Variants in CDH13 observed in about 807,000 individuals in gnomAD.
CDH13 encodes cadherin 13.
In CDH13, 24 loss-of-function variants were observed where a neutral mutation model predicts 63.8. The ratio of observed to expected loss-of-function variants is 0.38; its 90% CI spans 0.27 to 0.53. The LOEUF (loss-of-function observed/expected upper bound fraction) is 0.53. Among genes scored for constraint, CDH13 ranks in the 20% least tolerant of loss-of-function variants. The pLI is 0.85. For synonymous variants in CDH13, 503 were observed against 355.3 expected, an observed-to-expected ratio of 1.42 and a Z score of -4.67; for missense variants, 1,049 against 903.1, an observed-to-expected ratio of 1.16 and a Z score of -2.07.
intron 6 of CDH13, among the ~76,000 whole-genome samples, chr16:83,404,455 G>A (rs141127083): frequency 2.8e-4 from 43 of 152,272 alleles, no homozygotes; most frequent in African/African-American, 8.9e-4. Context: ...AAGCAGCTTC[G>A]CAGAATTTTA....
In CDH13 at chr16:83,512,047, C is replaced by T. The variant is rs144730925; in HGVS notation, c.960+25392C>T. Among the ~76,000 whole-genome samples, 694 of 152,164 alleles carry T rather than the reference C, an allele frequency of 4.6e-3. 5 individuals carry two copies. The highest frequency in any genetic ancestry group is 0.015 in the African/African-American group (636 of 41,506). ...TTAAAAAATAAAGGAAGGGGCCAGG[C>T]GCGGTGGCTCACGCCTGTAATTCCA... On this transcript the variant is annotated intron_variant, in intron 7 of 13. Coordinates refer to ENST00000567109, the MANE Select transcript of CDH13 (RefSeq NM_001257.5).
chr16:82,795,757 A>T (rs1234538042), intron 1 of CDH13, among the ~76,000 whole-genome samples: 2 of 152,030 alleles, frequency 1.3e-5, no homozygotes, highest in Non-Finnish European at 2.9e-5. Flanking sequence ...CCAGGAAGAA[A>T]ACAATGGCTG....
intron 2 of CDH13, among the ~76,000 whole-genome samples, chr16:83,007,814 A>G (rs1913696209): frequency 6.7e-6 from 1 of 149,584 alleles, no homozygotes; most frequent in Non-Finnish European, 1.5e-5. Context: ...ACAGAGCAAG[A>G]CGACTCTGTC....
intron 2 of CDH13, among the ~76,000 whole-genome samples, chr16:83,016,880 C>A (rs1031128005): frequency 6.6e-6 from 1 of 152,094 alleles, no homozygotes. Flanking sequence ...TTATGAAAAC[C>A]AAAATTGACA....
intron 4 of CDH13, among the ~76,000 whole-genome samples, chr16:83,212,511 A>C (rs1488087760): frequency 1.3e-5 from 2 of 152,208 alleles, no homozygotes; most frequent in African/African-American, 4.8e-5. Context: ...AGTGACTTTA[A>C]GAAAAACCAA....
At position 83,375,610 on chromosome 16, in the gene CDH13, G is replaced by A. The variant is rs1002105124; in HGVS notation, c.781+30604G>A. Reference sequence around the variant, plus strand: ...TAGCAAACTGTGTTAAGTCCTAGAAGAGAGATGGGTAAATATCCCAGGAAA... The same window carrying A: ...TAGCAAACTGTGTTAAGTCCTAGAAAAGAGATGGGTAAATATCCCAGGAAA... On this transcript the variant is annotated intron_variant, in intron 6 of 13. Transcript: ENST00000567109. Among the ~76,000 whole-genome samples, 3 of 152,320 alleles carry A rather than the reference G, an allele frequency of 2.0e-5. No individual in the cohort carries two copies. The South Asian group carries it at 6.2e-4, about 32-fold the overall frequency.
At chr16:82,931,731 A>G (rs2042500738) in intron 2 of CDH13, among the ~76,000 whole-genome samples, 1 of 152,206 alleles carries the variant, frequency 6.6e-6, no homozygotes, top group South Asian at 2.1e-4. Context: ...ATGAGAGCCA[A>G]ATGAAAGGAG....
intron 2 of CDH13, among the ~76,000 whole-genome samples, chr16:83,026,300 G>C (rs1028591807): frequency 6.6e-6 from 1 of 152,192 alleles, no homozygotes; most frequent in Non-Finnish European, 1.5e-5. Context: ...TTGGGCTGTA[G>C]AGGCAGAATG....
Position 83,425,376 on chromosome 16 carries a change from A to G in CDH13, c.782-61101A>G, listed in dbSNP as rs1185746298. Among the ~76,000 whole-genome samples, 5 of 152,222 alleles carry G rather than the reference A, an allele frequency of 3.3e-5. No homozygotes were observed. The East Asian group carries it at 9.6e-4, about 29-fold the overall frequency. On this transcript the variant is annotated intron_variant, in intron 6 of 13. Transcript: ENST00000567109. ...GGAAGGAGAGCCCAGTTCTGGAATT[A>G]GACAATTATTGTTCTTACCCTTGAA...
intron 3 of CDH13, among the ~76,000 whole-genome samples, chr16:83,091,914 C>A (rs1030733845): frequency 1.3e-5 from 2 of 152,192 alleles, no homozygotes; most frequent in South Asian, 4.1e-4. Context: ...ATAAATGTAT[C>A]TTTCACACCT....
chr16:83,271,181 C>T (rs1470269773), intron 5 of CDH13, among the ~76,000 whole-genome samples: 1 of 151,850 alleles, frequency 6.6e-6, no homozygotes, highest in Non-Finnish European at 1.5e-5. Flanking sequence ...TATGCCCTAT[C>T]CCCAGAAGCT....
intron 3 of CDH13, among the ~76,000 whole-genome samples, chr16:83,119,242 G>A (rs11863669): frequency 0.11 from 17,217 of 152,142 alleles, 1,740 homozygotes; most frequent in African/African-American, 0.28. Flanking sequence ...AAACTCATCA[G>A]ATGGTTACGT....
chr16:83,228,438 G>A (rs894022907), intron 5 of CDH13, among the ~76,000 whole-genome samples: 5 of 152,322 alleles, frequency 3.3e-5, no homozygotes, highest in African/African-American at 9.6e-5. Flanking sequence ...GGGCACCAGA[G>A]ATGAAGGAAG....
intron 2 of CDH13, among the ~76,000 whole-genome samples, chr16:82,988,843 C>T (rs1911296316): frequency 6.6e-6 from 1 of 151,692 alleles, no homozygotes; most frequent in African/African-American, 2.4e-5. Context: ...TGCTGTGTCC[C>T]GCAAGGTAGG....
intron 1 of CDH13, among the ~76,000 whole-genome samples, chr16:82,813,687 G>A (rs935773362): frequency 2.0e-5 from 3 of 152,142 alleles, no homozygotes; most frequent in African/African-American, 7.2e-5. Context: ...TCTAGAGCCT[G>A]TGAGGCCCAG....
chr16:83,159,864 C>T (rs1235416370), intron 4 of CDH13, among the ~76,000 whole-genome samples: 2 of 151,998 alleles, frequency 1.3e-5, no homozygotes, highest in Non-Finnish European at 2.9e-5. Flanking sequence ...CACTTGAGGC[C>T]AGGAGTTCAA....
At chr16:83,522,070 G>A (rs1307890773) in intron 7 of CDH13, among the ~76,000 whole-genome samples, 1 of 152,142 alleles carries the variant, frequency 6.6e-6, no homozygotes, top group African/African-American at 2.4e-5. Flanking sequence ...CCTAGGTAAG[G>A]TCTGCAAATC....
At chr16:82,893,016 AG>A (rs1211842200) in intron 2 of CDH13, among the ~76,000 whole-genome samples, 1 of 152,258 alleles carries the variant, frequency 6.6e-6, no homozygotes, top group East Asian at 1.9e-4. Context: ...CCATTATCTA[AG>A]AAATATGCCT....
chr16:83,129,735 G>A (rs898759374), intron 4 of CDH13, among the ~76,000 whole-genome samples: 3 of 152,194 alleles, frequency 2.0e-5, no homozygotes, highest in Admixed American at 6.5e-5. Context: ...GAGGTTTGGA[G>A]GAGAACCTTA....
Sources: allele counts gnomAD v4.1 joint callset (sites outside exome capture counted in the v4.1 genomes callset), GRCh38; gene constraint gnomAD v4.1.1; transcripts MANE v1.5; gene names NCBI Gene and HGNC (gene_info 2026-07-23, HGNC 2026-07-21).